Variants in PRKAR2A observed in about 807,000 individuals in gnomAD.
PRKAR2A encodes protein kinase cAMP-dependent type II regulatory subunit alpha.
PRKAR2A carries 29 observed loss-of-function variants against 51.9 expected under a neutral mutation model. The ratio of observed to expected loss-of-function variants is 0.56; its 90% confidence interval spans 0.42 to 0.76. The LOEUF is 0.76. Ranked by LOEUF, PRKAR2A falls within the 30% of genes least tolerant of loss-of-function variation. The pLI, the probability that PRKAR2A is intolerant of heterozygous loss-of-function variation, is 0.00. For missense variants in PRKAR2A, 445 were observed against 512.1 expected, an observed-to-expected ratio of 0.87 and a Z score of 1.26; for synonymous variants, 178 against 186.2, an observed-to-expected ratio of 0.96 and a Z score of 0.36.
chr3:48,790,362 T>A (rs2082364664), intron 4 of PRKAR2A, among the ~76,000 whole-genome samples, 182 bp downstream of exon 4: 1 of 152,188 alleles, frequency 6.6e-6, no homozygotes, highest in Admixed American at 6.6e-5. Flanking sequence ...CTAAAAGGCA[T>A]CTGAAAGATC....
At chr3:48,824,712 C>T (rs751830546) in intron 1 of PRKAR2A, among the ~76,000 whole-genome samples, 10 of 151,922 alleles carry the variant, frequency 6.6e-5, no homozygotes, top group African/African-American at 1.5e-4. Flanking sequence ...TTTGGGAGGG[C>T]GAGGCGGGAG....
chr3:48,783,735 C>G (rs1382809442), intron 4 of PRKAR2A, among the ~76,000 whole-genome samples: 1 of 152,118 alleles, frequency 6.6e-6, no homozygotes, highest in Non-Finnish European at 1.5e-5. Context: ...CCTGTGCCAC[C>G]ACGCCTGGCA....
chr3:48,845,025 T>A (rs1188732817), intron 1 of PRKAR2A, among the ~76,000 whole-genome samples: 2 of 152,216 alleles, frequency 1.3e-5, no homozygotes, highest in African/African-American at 4.8e-5. Flanking sequence ...CTGAGGCTAA[T>A]TTCTAAAATC....
intron 1 of PRKAR2A, among the ~76,000 whole-genome samples, chr3:48,839,055 A>G (rs1397313738): frequency 1.3e-5 from 2 of 152,046 alleles, no homozygotes; most frequent in African/African-American, 2.4e-5. Flanking sequence ...TGGGAGGCCG[A>G]GGCAGACAGA....
chr3:48,802,842 GAT>G (rs2082611822), intron 2 of PRKAR2A, among the ~76,000 whole-genome samples: 1 of 152,202 alleles, frequency 6.6e-6, no homozygotes. Context: ...TAGAGCCAAC[GAT>G]ATGTTTCTTT....
intron 5 of PRKAR2A, among the ~76,000 whole-genome samples, chr3:48,776,674 C>T (rs1420298697): frequency 6.6e-6 from 1 of 152,002 alleles, no homozygotes; most frequent in African/African-American, 2.4e-5. Flanking sequence ...AACCCTGTGT[C>T]TACTAAAAAT....
At chr3:48,760,578 T>C (rs1019638601) in intron 8 of PRKAR2A, among the ~76,000 whole-genome samples, 1 of 150,858 alleles carries the variant, frequency 6.6e-6, no homozygotes, top group South Asian at 2.1e-4. Context: ...TCCCAGCACT[T>C]TGGGAGGCCG....
rs913871933 is a variant in PRKAR2A at position 48,836,783 on chromosome 3, C to T, written c.262+10552G>A. ...CTTGAGGCCAGGAGTTTATGACCAA[C>T]GCTGGCAACATAGTGAGACCCAATC... On this transcript the variant is annotated intron_variant, in intron 1 of 10. Transcript: ENST00000265563. Among the ~76,000 whole-genome samples, 5 of 150,526 alleles carry T rather than the reference C, an allele frequency of 3.3e-5. No homozygotes were observed. The East Asian group carries it at 5.8e-4, about 18-fold the overall frequency.
chr3:48,803,000 T>C (rs998243489), intron 2 of PRKAR2A, among the ~76,000 whole-genome samples: 2 of 152,138 alleles, frequency 1.3e-5, no homozygotes, highest in African/African-American at 4.8e-5. Context: ...TTCTGGAAAT[T>C]CTCTTCTGTT....
chr3:48,838,697 C>T (rs541369071), intron 1 of PRKAR2A, among the ~76,000 whole-genome samples: 7 of 151,836 alleles, frequency 4.6e-5, no homozygotes, highest in South Asian at 4.2e-4. Flanking sequence ...ATTGTTATGG[C>T]GCCAGGCGCG....
intron 1 of PRKAR2A, among the ~76,000 whole-genome samples, chr3:48,824,382 G>A (rs369627198): frequency 4.6e-5 from 7 of 151,540 alleles, no homozygotes; most frequent in Admixed American, 3.3e-4. Flanking sequence ...GTAACAGAGC[G>A]AGACTCTGTC....
At chr3:48,777,940 A>C (rs2082129832) in intron 5 of PRKAR2A, among the ~76,000 whole-genome samples, 4 of 152,174 alleles carry the variant, frequency 2.6e-5, no homozygotes, top group Admixed American at 2.6e-4. Context: ...AGACACTAGC[A>C]TTTAACTTTG....
intron 1 of PRKAR2A, among the ~76,000 whole-genome samples, chr3:48,834,783 A>C (rs1286267278): frequency 1.3e-5 from 2 of 151,968 alleles, no homozygotes; most frequent in Non-Finnish European, 2.9e-5. Context: ...AAATATTTGC[A>C]AATCACTTAT....
intron 1 of PRKAR2A, among the ~76,000 whole-genome samples, chr3:48,831,206 T>C (rs942285108): frequency 6.6e-6 from 1 of 152,174 alleles, no homozygotes; most frequent in African/African-American, 2.4e-5. Flanking sequence ...AACATCATAA[T>C]GTCACTAAGC....
At chr3:48,772,493 C>T (rs1160350545) in intron 6 of PRKAR2A, among the ~76,000 whole-genome samples, 1 of 152,154 alleles carries the variant, frequency 6.6e-6, no homozygotes, top group Admixed American at 6.6e-5. Flanking sequence ...AGGTGTGAGT[C>T]ACCGTGCCTG....
downstream of PRKAR2A, among the ~76,000 whole-genome samples, chr3:48,745,919 C>T (rs1330812504): frequency 1.3e-5 from 2 of 152,038 alleles, no homozygotes; most frequent in African/African-American, 4.8e-5. Context: ...TCCAATCAGT[C>T]GAAGGCGTGA....
chr3:48,829,577 T>A (rs1392801609), intron 1 of PRKAR2A, among the ~76,000 whole-genome samples: 2 of 49,840 alleles, frequency 4.0e-5, no homozygotes, highest in Admixed American at 2.5e-4. Context: ...CACATAAATA[T>A]ATATGTGTGT....
intron 4 of PRKAR2A, among the ~76,000 whole-genome samples, chr3:48,783,612 A>T (rs988668439): frequency 6.6e-6 from 1 of 152,006 alleles, no homozygotes; most frequent in African/African-American, 2.4e-5. Context: ...ACGGAGTCTC[A>T]CTCTGTCACA....
At chr3:48,814,159 A>G (rs1050414268) in intron 1 of PRKAR2A, among the ~76,000 whole-genome samples, 9 of 152,032 alleles carry the variant, frequency 5.9e-5, no homozygotes, top group Non-Finnish European at 1.0e-4. Flanking sequence ...GAGGCAGGAA[A>G]ATCACTTGAA....
Sources: allele counts gnomAD v4.1 joint callset (sites outside exome capture counted in the v4.1 genomes callset), GRCh38; gene constraint gnomAD v4.1.1; transcripts MANE v1.5; gene names NCBI Gene and HGNC (gene_info 2026-07-23, HGNC 2026-07-21).